The following GALNT13 variants were observed in gnomAD, a reference collection of about 807,000 sequenced individuals.
GALNT13 encodes UDP-GalNAc:polypeptide N-acetylgalactosaminyltransferase 13.
A neutral mutation model predicts 64.2 loss-of-function variants in GALNT13; 28 were observed. The ratio of observed to expected loss-of-function variants is 0.44; its 90% CI spans 0.32 to 0.60. GALNT13 has a LOEUF of 0.60. Ranked by LOEUF, GALNT13 falls within the 20% of genes least tolerant of loss-of-function variation. The pLI is 0.05. For missense variants in GALNT13, 577 were observed against 669.8 expected (o/e 0.86, Z 1.53); for synonymous variants, 214 against 224.6 (o/e 0.95, Z 0.42).
chr2:153,866,777 A>G, the GALNT13 span, among the ~76,000 whole-genome samples: 1 of 152,214 alleles, frequency 6.6e-6, no homozygotes, highest in Non-Finnish European at 1.5e-5. Context: ...TGAAGTAGCT[A>G]TATTATTTAC....
chr2:153,384,033 A>G, the GALNT13 span, among the ~76,000 whole-genome samples: 2 of 152,098 alleles, frequency 1.3e-5, no homozygotes, highest in East Asian at 3.9e-4. Context: ...GTTGGTTATG[A>G]AAGACTTTAG....
At chr2:154,042,918 T>C (rs1208358097) in intron 3 of GALNT13, among the ~76,000 whole-genome samples, 1 of 152,028 alleles carries the variant, frequency 6.6e-6, no homozygotes, top group Non-Finnish European at 1.5e-5. Context: ...AGCTTTATAA[T>C]TGCAAACAAT....
chr2:154,112,051 C>CCTTACT (rs1703015324), intron 3 of GALNT13, among the ~76,000 whole-genome samples: 1 of 152,172 alleles, frequency 6.6e-6, no homozygotes, highest in South Asian at 2.1e-4. Context: ...GATAGGCAAA[C>CCTTACT]CCATATCTGG....
At chr2:153,584,983 T>C in the GALNT13 span, among the ~76,000 whole-genome samples, 52 of 152,332 alleles carry the variant, frequency 3.4e-4, no homozygotes, top group African/African-American at 1.1e-3. Context: ...TAGAAGCACC[T>C]GTTGCTACAA....
the GALNT13 span, among the ~76,000 whole-genome samples, chr2:153,573,472 T>C: frequency 6.6e-6 from 1 of 152,018 alleles, no homozygotes; most frequent in African/African-American, 2.4e-5. Flanking sequence ...TAAGGACTTC[T>C]TTCTGCTGTT....
chr2:154,036,969 A>T (rs1401516), intron 3 of GALNT13, among the ~76,000 whole-genome samples: 116,526 of 152,048 alleles, frequency 0.77, 45,047 homozygotes, highest in East Asian at 0.96. Flanking sequence ...TCCTCTAGAA[A>T]ACAAAAATAA....
chr2:153,911,061 C>T (rs1049897596), intron 2 of GALNT13, among the ~76,000 whole-genome samples: 1 of 152,098 alleles, frequency 6.6e-6, no homozygotes, highest in Non-Finnish European at 1.5e-5. Context: ...GTCGAAATTT[C>T]CTTGAAGGTC....
the GALNT13 span, among the ~76,000 whole-genome samples, chr2:153,834,119 G>A: frequency 6.6e-6 from 1 of 152,050 alleles, no homozygotes; most frequent in African/African-American, 2.4e-5. Context: ...AAGGAAATTT[G>A]TACCACTTGT....
intron 4 of GALNT13, among the ~76,000 whole-genome samples, chr2:154,188,611 C>G (rs1686394801): frequency 6.6e-6 from 1 of 152,108 alleles, no homozygotes; most frequent in Non-Finnish European, 1.5e-5. Flanking sequence ...AATCTCCTAA[C>G]AGCAAAGAAT....
chr2:153,585,606 A>C, the GALNT13 span, among the ~76,000 whole-genome samples: 72 of 152,310 alleles, frequency 4.7e-4, no homozygotes, highest in African/African-American at 1.7e-3. Flanking sequence ...AATGTAAAAA[A>C]CGAGTTTGCC....
the GALNT13 span, among the ~76,000 whole-genome samples, chr2:153,170,339 G>T: frequency 4.0e-5 from 6 of 151,878 alleles, no homozygotes; most frequent in African/African-American, 1.5e-4. Context: ...TTTATCCAAA[G>T]AAAGCCACAT....
At chr2:153,557,040 C>G in the GALNT13 span, among the ~76,000 whole-genome samples, 1 of 152,120 alleles carries the variant, frequency 6.6e-6, no homozygotes, top group Admixed American at 6.6e-5. Flanking sequence ...TTTGACCCCC[C>G]CTTCCATTAA....
chr2:153,295,598 A>T, the GALNT13 span, among the ~76,000 whole-genome samples: 125,011 of 151,742 alleles, frequency 0.82, 52,769 homozygotes, highest in African/African-American at 0.91. Flanking sequence ...GAATTCTGTA[A>T]TTTAAGTAAG....
the GALNT13 span, among the ~76,000 whole-genome samples, chr2:153,650,663 G>T: frequency 6.6e-6 from 1 of 152,054 alleles, no homozygotes; most frequent in African/African-American, 2.4e-5. Flanking sequence ...AGGCCTGGTG[G>T]TGACAAAATC....
chr2:153,524,585 TG>T, the GALNT13 span, among the ~76,000 whole-genome samples: 2 of 152,134 alleles, frequency 1.3e-5, no homozygotes, highest in Admixed American at 1.3e-4. Flanking sequence ...GGAGCATTTC[TG>T]TGTGCTGGGG....
At chr2:153,459,531 G>A in the GALNT13 span, among the ~76,000 whole-genome samples, 2 of 152,056 alleles carry the variant, frequency 1.3e-5, no homozygotes, top group African/African-American at 4.8e-5. Context: ...AAACCCATAT[G>A]CACTGAATTA....
intron 4 of GALNT13, among the ~76,000 whole-genome samples, chr2:154,160,854 C>T (rs947979053): frequency 1.3e-5 from 2 of 152,188 alleles, no homozygotes; most frequent in African/African-American, 4.8e-5. Flanking sequence ...TTCTTATCTT[C>T]TCCCACATAA....
the GALNT13 span, among the ~76,000 whole-genome samples, chr2:153,736,136 C>T: frequency 6.6e-6 from 1 of 152,162 alleles, no homozygotes; most frequent in Non-Finnish European, 1.5e-5. Flanking sequence ...ATCATTTCTT[C>T]TACATTTCTT....
At chr2:153,837,839 C>A in the GALNT13 span, among the ~76,000 whole-genome samples, 1 of 151,960 alleles carries the variant, frequency 6.6e-6, no homozygotes, top group Non-Finnish European at 1.5e-5. Flanking sequence ...TTTAAGGAAT[C>A]TCCTTACTTT....
Sources: allele counts gnomAD v4.1 joint callset (sites outside exome capture counted in the v4.1 genomes callset), GRCh38; gene constraint gnomAD v4.1.1; transcripts MANE v1.5; gene names NCBI Gene and HGNC (gene_info 2026-07-23, HGNC 2026-07-21).